ANO3: variants seen among roughly 807,000 people sequenced by gnomAD.
ANO3 encodes anoctamin 3.
ANO3 carries 99 observed loss-of-function variants against 144.8 expected under a neutral mutation model. The observed-to-expected ratio is 0.68, with a 90% CI of 0.58 to 0.81. ANO3 has a LOEUF of 0.81. Ranked by LOEUF, ANO3 falls within the 30% of genes least tolerant of loss-of-function variation. ANO3 has a pLI of 0.00. For missense variants in ANO3, 905 were observed against 1,202.2 expected, an observed-to-expected ratio of 0.75 and a Z score of 3.66; for synonymous variants, 414 against 392.6, an observed-to-expected ratio of 1.05 and a Z score of -0.64.
chr11:26,544,865 AT>A (rs1017655940), intron 11 of ANO3, among the ~76,000 whole-genome samples: 13 of 151,790 alleles, frequency 8.6e-5, no homozygotes, highest in South Asian at 2.1e-4. Context: ...ACATAGGAGG[AT>A]TTTTTTTCTT....
At chr11:26,413,059 AT>A (rs1857475693) in intron 1 of ANO3, among the ~76,000 whole-genome samples, 1 of 151,928 alleles carries the variant, frequency 6.6e-6, no homozygotes, top group African/African-American at 2.4e-5. Context: ...GCTGGAACAT[AT>A]TTTTTGTGCC....
chr11:26,429,982 A>T (rs1858032297), intron 1 of ANO3, among the ~76,000 whole-genome samples: 1 of 152,178 alleles, frequency 6.6e-6, no homozygotes, highest in Non-Finnish European at 1.5e-5. Flanking sequence ...TCACGTCTGT[A>T]ATCTCAGCCC....
intron 14 of ANO3, among the ~76,000 whole-genome samples, chr11:26,592,939 G>A (rs934033304): frequency 2.6e-5 from 4 of 151,916 alleles, no homozygotes; most frequent in Admixed American, 2.6e-4. Flanking sequence ...TTCCCGGAGG[G>A]GATTACTCCA....
At chr11:26,565,028 C>A (rs1172448486) in intron 14 of ANO3, 5 of 795,606 alleles carry the variant, frequency 6.3e-6, no homozygotes, top group Non-Finnish European at 7.3e-6. Context: ...TAATGATCAT[C>A]CCTCAAAAGT....
At chr11:26,369,272 T>A (rs1227163883) in intron 1 of ANO3, among the ~76,000 whole-genome samples, 2 of 152,114 alleles carry the variant, frequency 1.3e-5, no homozygotes, top group East Asian at 3.9e-4. Flanking sequence ...AAAAGGGCAT[T>A]TAGGAACTCT....
At chr11:26,285,063 G>GA (rs1479264793) in intron 1 of ANO3, among the ~76,000 whole-genome samples, 1 of 152,042 alleles carries the variant, frequency 6.6e-6, no homozygotes, top group Admixed American at 6.5e-5. Flanking sequence ...CCACTAGGGG[G>GA]AGCTACCACT....
intron 1 of ANO3, among the ~76,000 whole-genome samples, chr11:26,384,241 T>TTA (rs1856664274): frequency 6.6e-6 from 1 of 152,116 alleles, no homozygotes; most frequent in South Asian, 2.1e-4. Flanking sequence ...TTTATATAAT[T>TTA]TATATATATG....
intron 14 of ANO3, chr11:26,560,974 A>G: frequency 1.6e-6 from 2 of 1,271,590 alleles, no homozygotes; most frequent in South Asian, 1.4e-5. Flanking sequence ...TCCACGTGAC[A>G]GTAATTTTGT....
chr11:26,524,034 G>GA (rs1479190764), intron 6 of ANO3, among the ~76,000 whole-genome samples: 1 of 152,106 alleles, frequency 6.6e-6, no homozygotes, highest in Non-Finnish European at 1.5e-5. Context: ...TTTATGAAAT[G>GA]AAAAATACTC....
At chr11:26,521,738 C>T (rs1862084967) in intron 6 of ANO3, among the ~76,000 whole-genome samples, 1 of 152,132 alleles carries the variant, frequency 6.6e-6, no homozygotes, top group African/African-American at 2.4e-5. Context: ...GCTTACCTCT[C>T]ACACATAAGA....
At chr11:26,278,514 T>C (rs944457689) in intron 1 of ANO3, among the ~76,000 whole-genome samples, 2 of 152,046 alleles carry the variant, frequency 1.3e-5, no homozygotes, top group African/African-American at 2.4e-5. Context: ...CCCTCAGACT[T>C]TACTGTTTAC....
At chr11:26,461,557 G>A (rs2134055254) in intron 3 of ANO3, among the ~76,000 whole-genome samples, 1 of 152,112 alleles carries the variant, frequency 6.6e-6, no homozygotes, top group South Asian at 2.1e-4. Context: ...AATGTTCTAT[G>A]AAGGCAGAAT....
At chr11:26,337,598 A>G (rs185291222) in intron 1 of ANO3, among the ~76,000 whole-genome samples, 1 of 152,222 alleles carries the variant, frequency 6.6e-6, no homozygotes, top group Non-Finnish European at 1.5e-5. Context: ...ACCCTTAAAA[A>G]ATCCAAGAAA....
chr11:26,190,794 C>T (rs915523858), intron 1 of ANO3, among the ~76,000 whole-genome samples: 2 of 152,166 alleles, frequency 1.3e-5, no homozygotes, highest in African/African-American at 4.8e-5. Context: ...TATGAACAGC[C>T]TAGAAGACAC....
chr11:26,493,937 G>T (rs1043614076), intron 4 of ANO3, among the ~76,000 whole-genome samples: 1 of 152,068 alleles, frequency 6.6e-6, no homozygotes, highest in Admixed American at 6.6e-5. Context: ...AATAAACCTA[G>T]ATTAGGTTTA....
At chr11:26,451,232 C>T (rs1030166003) in intron 3 of ANO3, among the ~76,000 whole-genome samples, 23 of 152,098 alleles carry the variant, frequency 1.5e-4, no homozygotes, top group Admixed American at 3.9e-4. Context: ...AGACAGTGGG[C>T]GCAGGTCAGT....
At chr11:26,289,746 ATT>A (rs1296700182) in intron 1 of ANO3, among the ~76,000 whole-genome samples, 249 of 146,174 alleles carry the variant, frequency 1.7e-3, no homozygotes, top group East Asian at 0.01. Context: ...GTGTATATAT[ATT>A]CTATATGTGT....
chr11:26,367,680 A>C (rs1026503567), intron 1 of ANO3, among the ~76,000 whole-genome samples: 15 of 152,174 alleles, frequency 9.9e-5, no homozygotes, highest in Non-Finnish European at 1.3e-4. Context: ...TAATTTTTAA[A>C]GAAAAGAGGT....
chr11:26,550,358 C>T (rs1050951364), intron 12 of ANO3, among the ~76,000 whole-genome samples: 5 of 151,998 alleles, frequency 3.3e-5, no homozygotes, highest in Middle Eastern at 3.4e-3. Context: ...GGCACAATGT[C>T]ATACAGCAGT....
Sources: allele counts gnomAD v4.1 joint callset (sites outside exome capture counted in the v4.1 genomes callset), GRCh38; gene constraint gnomAD v4.1.1; transcripts MANE v1.5; gene names NCBI Gene and HGNC (gene_info 2026-07-23, HGNC 2026-07-21).